ADORA2B: variants seen among roughly 807,000 people sequenced by gnomAD.
The protein encoded by ADORA2B is adenosine receptor A2b.
In ADORA2B, 18 loss-of-function variants were observed where a neutral mutation model predicts 20.8. That is an observed-to-expected ratio of 0.87 (90% CI 0.60 to 1.29). ADORA2B has a LOEUF of 1.29. Ranked by LOEUF, ADORA2B falls within the 50% of genes most tolerant of loss-of-function variation. ADORA2B has a pLI of 0.00. For synonymous variants in ADORA2B, 179 were observed against 178.3 expected, an observed-to-expected ratio of 1.00 and a Z score of -0.03; for missense variants, 441 against 422.7, an observed-to-expected ratio of 1.04 and a Z score of -0.38.
the ADORA2B span, among the ~76,000 whole-genome samples, chr17:15,898,613 C>T: frequency 7.2e-5 from 11 of 152,060 alleles, no homozygotes; most frequent in Admixed American, 4.6e-4. Context: ...GTGATCCACC[C>T]GCCTCAGCCT....
chr17:15,877,700 T>C, the ADORA2B span, among the ~76,000 whole-genome samples: 1 of 152,176 alleles, frequency 6.6e-6, no homozygotes, highest in Non-Finnish European at 1.5e-5. Context: ...CATTTTATAC[T>C]CTGGTGTGCA....
At chr17:15,875,941 C>G in the ADORA2B span, among the ~76,000 whole-genome samples, 1 of 152,154 alleles carries the variant, frequency 6.6e-6, no homozygotes, top group Non-Finnish European at 1.5e-5. Flanking sequence ...GTGAGATATC[C>G]CCACATATCA....
chr17:15,920,993 A>G, the ADORA2B span, among the ~76,000 whole-genome samples: 4 of 152,216 alleles, frequency 2.6e-5, no homozygotes, highest in African/African-American at 7.2e-5. Context: ...TTGTTTGTAT[A>G]TGGCAATGTG....
intron 1 of ADORA2B, among the ~76,000 whole-genome samples, chr17:15,964,098 G>A (rs995576985): frequency 2.0e-5 from 3 of 152,234 alleles, no homozygotes; most frequent in South Asian, 4.1e-4. Context: ...TGGCCTGCAG[G>A]CTACAGCCGT....
the ADORA2B span, among the ~76,000 whole-genome samples, chr17:15,881,250 C>T: frequency 6.6e-6 from 1 of 152,114 alleles, no homozygotes; most frequent in African/African-American, 2.4e-5. Flanking sequence ...TACGGGCGTG[C>T]ACCACCACGC....
chr17:15,945,413 C>T lies in ADORA2B; in HGVS notation c.165C>T (p.Ala55=). The T allele has an allele frequency of 6.2e-7, 1 of 1,613,586 alleles. No homozygotes were observed. The highest frequency in any genetic ancestry group is 1.6e-4 in the Middle Eastern group (1 of 6,062). The stretch of plus-strand genomic sequence containing the variant: ...TGTCCCTGGCTGCGGCCGACGTGGC[C>T]GTGGGGCTCTTCGCCATCCCCTTTG... The part of the protein sequence containing the change: ...FLVSLAAADV[A]VGLFAIPFAI... Residue 55 remains alanine (A), a synonymous_variant, in exon 1 of 2, where the codon GCC becomes GCT. Coordinates refer to ENST00000304222, the MANE Select transcript of ADORA2B (RefSeq NM_000676.4).
the ADORA2B span, among the ~76,000 whole-genome samples, chr17:15,855,849 C>A: frequency 3.9e-5 from 6 of 152,004 alleles, no homozygotes; most frequent in African/African-American, 1.5e-4. Flanking sequence ...CCCCCCTCCC[C>A]ATTCTACCAC....
intron 1 of ADORA2B, among the ~76,000 whole-genome samples, chr17:15,953,631 T>C (rs1213318035): frequency 2.7e-5 from 4 of 150,850 alleles, no homozygotes; most frequent in African/African-American, 1.0e-4. Context: ...CATTTCGGCC[T>C]GTGTTTCTGT....
the ADORA2B span, among the ~76,000 whole-genome samples, chr17:15,869,237 T>C: frequency 6.6e-6 from 1 of 151,472 alleles, no homozygotes; most frequent in Non-Finnish European, 1.5e-5. Context: ...CTAGAATTGC[T>C]CAAACTCAGG....
At chr17:15,907,077 C>T in the ADORA2B span, among the ~76,000 whole-genome samples, 1 of 152,196 alleles carries the variant, frequency 6.6e-6, no homozygotes, top group African/African-American at 2.4e-5. Context: ...CCCAGTTCTT[C>T]ATCACTTGCT....
the ADORA2B span, among the ~76,000 whole-genome samples, chr17:15,939,764 G>A: frequency 9.3e-3 from 1,403 of 151,538 alleles, 29 homozygotes; most frequent in African/African-American, 0.032. Context: ...GGGAGGCTGA[G>A]GCAGGAGAAT....
the ADORA2B span, among the ~76,000 whole-genome samples, chr17:15,861,957 G>A: frequency 6.6e-6 from 1 of 152,074 alleles, no homozygotes; most frequent in Non-Finnish European, 1.5e-5. Context: ...CTGCCCACCT[G>A]CCAGAATGGC....
chr17:15,956,739 G>A (rs1969971374), intron 1 of ADORA2B, among the ~76,000 whole-genome samples: 3 of 151,910 alleles, frequency 2.0e-5, no homozygotes. Context: ...GAGATTACGG[G>A]CACATGCCAC....
intron 1 of ADORA2B, among the ~76,000 whole-genome samples, chr17:15,961,914 C>G (rs1221357557): frequency 6.6e-6 from 1 of 152,224 alleles, no homozygotes; most frequent in Non-Finnish European, 1.5e-5. Flanking sequence ...TCTTAAAGGT[C>G]ACACCTCTCA....
the ADORA2B span, among the ~76,000 whole-genome samples, chr17:15,899,227 C>G: frequency 6.7e-6 from 1 of 150,062 alleles, no homozygotes; most frequent in Non-Finnish European, 1.5e-5. Context: ...GAGACTCTGT[C>G]TCAAAAAAAA....
At chr17:15,863,160 A>G in the ADORA2B span, among the ~76,000 whole-genome samples, 2 of 152,152 alleles carry the variant, frequency 1.3e-5, no homozygotes, top group East Asian at 1.9e-4. Flanking sequence ...TCTCCTTTTC[A>G]TTATACCAGA....
At chr17:15,892,544 A>T in the ADORA2B span, among the ~76,000 whole-genome samples, 5 of 151,882 alleles carry the variant, frequency 3.3e-5, no homozygotes, top group East Asian at 9.7e-4. Flanking sequence ...GGTCCCCCAA[A>T]CTGCTGGGAT....
the ADORA2B span, among the ~76,000 whole-genome samples, chr17:15,873,283 A>T: frequency 6.6e-6 from 1 of 152,262 alleles, no homozygotes; most frequent in Non-Finnish European, 1.5e-5. Flanking sequence ...ACTTGAAACC[A>T]TAAAAATTTC....
chr17:15,894,114 C>T, the ADORA2B span, among the ~76,000 whole-genome samples: 2 of 152,210 alleles, frequency 1.3e-5, no homozygotes, highest in Admixed American at 6.5e-5. Flanking sequence ...CTGGGCCCTA[C>T]ACTCGGTCAC....
Sources: allele counts gnomAD v4.1 joint callset (sites outside exome capture counted in the v4.1 genomes callset), GRCh38; gene constraint gnomAD v4.1.1; transcripts MANE v1.5; gene names NCBI Gene and HGNC (gene_info 2026-07-23, HGNC 2026-07-21).